Variants in CAMK2D observed in about 807,000 individuals in gnomAD.
CAMK2D encodes the protein calcium/calmodulin-dependent protein kinase type II subunit delta.
A neutral mutation model predicts 84.0 loss-of-function variants in CAMK2D; 37 were observed. The observed-to-expected ratio is 0.44, with a 90% CI of 0.34 to 0.58. The LOEUF is 0.58. Ranked by LOEUF, CAMK2D falls within the 20% of genes least tolerant of loss-of-function variation. CAMK2D has a pLI of 0.02. For synonymous variants in CAMK2D, 202 were observed against 212.5 expected, an observed-to-expected ratio of 0.95 and a Z score of 0.43; for missense variants, 448 against 652.5, an observed-to-expected ratio of 0.69 and a Z score of 3.41.
chr4:113,541,079 AAT>A (rs1346039880), intron 6 of CAMK2D, among the ~76,000 whole-genome samples: 1 of 152,206 alleles, frequency 6.6e-6, no homozygotes, highest in Non-Finnish European at 1.5e-5. Context: ...ATACAATGGC[AAT>A]TTCTTTCAAT....
At chr4:113,719,890 A>G (rs1304043344) in intron 2 of CAMK2D, among the ~76,000 whole-genome samples, 18 of 152,200 alleles carry the variant, frequency 1.2e-4, no homozygotes. Flanking sequence ...CAGAGAGACT[A>G]CAGAACTGAT....
chr4:113,605,390 T>G (rs978674184), intron 4 of CAMK2D, among the ~76,000 whole-genome samples: 2 of 152,226 alleles, frequency 1.3e-5, no homozygotes, highest in African/African-American at 4.8e-5. Flanking sequence ...ATATGCCTTG[T>G]CTCTTGTTAA....
intron 4 of CAMK2D, among the ~76,000 whole-genome samples, chr4:113,565,693 T>G (rs1315861830): frequency 6.6e-6 from 1 of 151,282 alleles, no homozygotes; most frequent in Non-Finnish European, 1.5e-5. Context: ...AACGAATAAT[T>G]GAACACACGT....
intron 17 of CAMK2D, among the ~76,000 whole-genome samples, chr4:113,463,388 T>G (rs576065583): frequency 3.2e-4 from 49 of 152,316 alleles, no homozygotes; most frequent in Admixed American, 2.9e-3. Context: ...TATTTGTTTA[T>G]TTTTTGAGAA....
In CAMK2D at chr4:113,531,202, A is replaced by G. The variant is rs764826836; in HGVS notation, c.601+14T>C. 1.7e-5 allele frequency: 25 copies of G among 1,448,234 alleles called. No homozygotes were observed. The highest frequency in any genetic ancestry group is 1.0e-4 in the Admixed American group (6 of 59,746). 89.7% of individuals were successfully genotyped at this position (1,448,234 alleles called of 1,614,324 possible). A position where few individuals can be genotyped will look rare whatever the true frequency, so the allele number is the denominator to read the frequency against. ...AGCTTATCACAAAATTTGCTTCAAA[A>G]TATAATTGCTTACCACATGCCCACA... On this transcript the variant is annotated intron_variant, in intron 8 of 20. Transcript: ENST00000511664.
At chr4:113,462,269 T>A (rs970070964) in intron 17 of CAMK2D, among the ~76,000 whole-genome samples, 1 of 46,488 alleles carries the variant, frequency 2.2e-5, no homozygotes, top group African/African-American at 9.3e-5. Context: ...TTTGGAAATG[T>A]GTGTGTGTGT....
At chr4:113,755,036 C>T (rs2099625276) in intron 2 of CAMK2D, 1 of 984,572 alleles carries the variant, frequency 1.0e-6, no homozygotes, top group Non-Finnish European at 1.2e-6. Context: ...AGTTCTACTT[C>T]CAATTCAAGA....
At chr4:113,709,457 T>C (rs188713204) in intron 2 of CAMK2D, among the ~76,000 whole-genome samples, 3 of 151,798 alleles carry the variant, frequency 2.0e-5, no homozygotes, top group Admixed American at 2.0e-4. Context: ...CAGAAAAAAT[T>C]AGTAGAAAAG....
intron 2 of CAMK2D, among the ~76,000 whole-genome samples, chr4:113,673,154 G>A (rs1283795275): frequency 6.6e-6 from 1 of 152,060 alleles, no homozygotes; most frequent in Non-Finnish European, 1.5e-5. Context: ...CACCACAAAA[G>A]AGCTTACTCA....
At chr4:113,638,250 G>C (rs1265207642) in intron 3 of CAMK2D, among the ~76,000 whole-genome samples, 1 of 152,072 alleles carries the variant, frequency 6.6e-6, no homozygotes, top group Non-Finnish European at 1.5e-5. Flanking sequence ...AAACAGCTCT[G>C]ACTAGAAAGA....
chr4:113,559,038 C>T (rs1035895785), intron 4 of CAMK2D, among the ~76,000 whole-genome samples: 1 of 151,968 alleles, frequency 6.6e-6, no homozygotes, highest in African/African-American at 2.4e-5. Context: ...TGGAAGATTA[C>T]TAACATGTCA....
At chr4:113,467,979 A>T (rs1381915926) in intron 16 of CAMK2D, among the ~76,000 whole-genome samples, 1 of 151,370 alleles carries the variant, frequency 6.6e-6, no homozygotes, top group Non-Finnish European at 1.5e-5. Context: ...TATACAGCTG[A>T]TAGGAAAAAC....
chr4:113,544,383 C>T (rs1203700797), intron 6 of CAMK2D, among the ~76,000 whole-genome samples: 3 of 152,146 alleles, frequency 2.0e-5, no homozygotes, highest in Admixed American at 6.5e-5. Context: ...ATCGTTTTGA[C>T]TCATTCTTTG....
chr4:113,750,802 A>G (rs1240095957), intron 2 of CAMK2D, among the ~76,000 whole-genome samples: 1 of 152,172 alleles, frequency 6.6e-6, no homozygotes, highest in Non-Finnish European at 1.5e-5. Context: ...CCTTACACCC[A>G]GAAGTTCAAG....
chr4:113,537,188 A>AT (rs1358624805), intron 7 of CAMK2D, among the ~76,000 whole-genome samples, 153 bp downstream of exon 7: 2 of 152,118 alleles, frequency 1.3e-5, no homozygotes, highest in African/African-American at 4.8e-5. Flanking sequence ...TGTCAACAAA[A>AT]TTAAATGCTT....
At position 113,457,440 on chromosome 4, in the gene CAMK2D, A is replaced by T. The variant is rs746331862; in HGVS notation, c.1430T>A (p.Met477Lys). The change falls in exon 19 of 21, where the codon ATG becomes AAG. Residue 477 changes from methionine to lysine, a missense_variant. Coordinates refer to ENST00000511664, the MANE Select transcript of CAMK2D (RefSeq NM_001321571.2). Reference protein sequence around the residue: ...RLTQYMDGSGMPKTMQSEETR... With the variant: ...RLTQYMDGSGKPKTMQSEETR... ...CTCTTCTGACTGCATTGTCTTTGGC[A>T]TTCCACTGCCATCCATGTACTGTGT... The T allele has an allele frequency of 1.9e-6, 3 of 1,613,900 alleles. No individual in the cohort carries two copies. The Admixed American group carries it at 5.0e-5, about 27-fold the overall frequency.
At chr4:113,481,762 A>G (rs13145771) in intron 16 of CAMK2D, among the ~76,000 whole-genome samples, 100,419 of 152,114 alleles carry the variant, frequency 0.66, 34,624 homozygotes, top group African/African-American at 0.87. Flanking sequence ...ACAGGCATGA[A>G]CCACCATGCC....
At chr4:113,471,544 C>T (rs2097546824) in intron 16 of CAMK2D, among the ~76,000 whole-genome samples, 1 of 152,176 alleles carries the variant, frequency 6.6e-6, no homozygotes, top group African/African-American at 2.4e-5. Flanking sequence ...GCATCATAAT[C>T]TACTCAGCTG....
intron 15 of CAMK2D, among the ~76,000 whole-genome samples, chr4:113,501,881 C>T (rs546812356): frequency 3.9e-5 from 6 of 152,036 alleles, no homozygotes; most frequent in African/African-American, 1.2e-4. Flanking sequence ...CAAGGCTTTT[C>T]GGGACCTAGA....
Sources: allele counts gnomAD v4.1 joint callset (sites outside exome capture counted in the v4.1 genomes callset), GRCh38; gene constraint gnomAD v4.1.1; transcripts MANE v1.5; gene names NCBI Gene and HGNC (gene_info 2026-07-23, HGNC 2026-07-21).